Variants in AGAP1 observed in about 807,000 individuals in gnomAD.
The protein encoded by AGAP1 is arf-GAP with GTPase, ANK repeat and PH domain-containing protein 1.
AGAP1 carries 29 observed loss-of-function variants against 105.3 expected under a neutral mutation model. That is an observed-to-expected ratio of 0.28 (90% CI 0.21 to 0.38). The LOEUF (loss-of-function observed/expected upper bound fraction) is 0.38, where lower values mean the gene tolerates loss of function less well. Ranked by LOEUF, AGAP1 falls within the 10% of genes least tolerant of loss-of-function variation. The probability of loss-of-function intolerance (pLI) is 1.00; values close to 1 mark genes in which losing one functional copy is unlikely to be tolerated. For missense variants in AGAP1, 998 were observed against 1,165.1 expected (o/e 0.86, Z 2.09); for synonymous variants, 509 against 485.9 (o/e 1.05, Z -0.63).
At chr2:235,514,855 C>T (rs1377013433) in intron 1 of AGAP1, among the ~76,000 whole-genome samples, 3 of 152,212 alleles carry the variant, frequency 2.0e-5, no homozygotes, top group Admixed American at 6.5e-5. Flanking sequence ...GCTTGTAGGG[C>T]ACAGTCTGTG....
In AGAP1 at chr2:235,736,431, A is replaced by C. The variant is rs3754661; in HGVS notation, c.311-4532A>C. Among the ~76,000 whole-genome samples, 40 of 152,242 alleles carry C rather than the reference A, an allele frequency of 2.6e-4. No homozygotes were observed. In the East Asian group the frequency reaches 7.5e-3, roughly 29 times the overall value. On this transcript the variant is annotated intron_variant, in intron 3 of 17. Transcript: ENST00000304032. The surrounding 1 kb of genome is among the most constrained non-coding windows in gnomAD (Gnocchi z 5.5). ...ACATCACTCATGGCAGATCCATTACATGGGCCATGGGCCAAGCTGTGCACC... is the reference window on the plus strand; with the variant it reads ...ACATCACTCATGGCAGATCCATTACCTGGGCCATGGGCCAAGCTGTGCACC...
rs534710311 is a variant in AGAP1, at chr2:236,054,885, G to A, written c.2114+5604G>A. Among the ~76,000 whole-genome samples the A allele has an allele frequency of 2.8e-5, 4 of 145,188 alleles. No homozygotes were observed. In the East Asian group the frequency reaches 6.9e-4, roughly 25 times the overall value. Reference sequence around the variant, plus strand: ...ACTGCCGGGCCCGGGCCCCCTCCCCGGCTGCCCTCCCCCAGCCCCAGCCTT... The same window carrying A: ...ACTGCCGGGCCCGGGCCCCCTCCCCAGCTGCCCTCCCCCAGCCCCAGCCTT... On this transcript the variant is annotated intron_variant, in intron 16 of 17. Coordinates refer to ENST00000304032, the MANE Select transcript of AGAP1 (RefSeq NM_001037131.3).
At position 235,612,395 on chromosome 2, in the gene AGAP1, A is replaced by G. The variant is rs1377028526; in HGVS notation, c.164-96784A>G. On this transcript the variant is annotated intron_variant, in intron 1 of 17. Coordinates refer to ENST00000304032, the MANE Select transcript of AGAP1 (RefSeq NM_001037131.3). This position sits in a 1 kb window ranked among gnomAD's most constrained non-coding sequence, Gnocchi z 4.3. ...AATCAGAGGGCAAGGACAGCAGTAA[A>G]TAATTTATGTCAGCTGGAGCCCTTG... is the stretch of plus-strand genomic sequence containing the variant. Among the ~76,000 whole-genome samples, 1 of 152,190 alleles carries G rather than the reference A, an allele frequency of 6.6e-6. No homozygotes were observed. The highest frequency in any genetic ancestry group is 1.5e-5 in the Non-Finnish European group (1 of 68,042).
Position 236,124,694 on chromosome 2 carries a change from A to G in AGAP1, c.*572A>G, listed in dbSNP as rs1208664049. 6.4e-6 allele frequency: 1 copy of G among 157,464 alleles called. No individual in the cohort carries two copies. Among genetic ancestry groups the G allele is most frequent in the Non-Finnish European group, 1.4e-5 (1 of 70,678 alleles). 9.8% of individuals were successfully genotyped at this position (157,464 alleles called of 1,614,324 possible). A position where few individuals can be genotyped will look rare whatever the true frequency, so the allele number is the denominator to read the frequency against. ...AATACTGGCTTCATTACACTTGTAC[A>G]GCCGAGTTCTTCCCGCATTACTGCT... On this transcript the variant is annotated 3_prime_UTR_variant, in exon 18 of 18. Coordinates refer to ENST00000304032, the MANE Select transcript of AGAP1 (RefSeq NM_001037131.3). This position sits in a 1 kb window ranked among gnomAD's most constrained non-coding sequence, Gnocchi z 5.1.
chr2:235,611,695 A>C lies in AGAP1; in HGVS notation c.164-97484A>C, dbSNP rs1040175039. Among the ~76,000 whole-genome samples, 2 of 152,250 alleles carry C rather than the reference A, an allele frequency of 1.3e-5. No individual in the cohort carries two copies. Among genetic ancestry groups the C allele is most frequent in the African/African-American group, 4.8e-5 (2 of 41,456 alleles). Reference sequence around the variant, plus strand: ...CAGTTGTGAGGAACATTGTATAGAGAAAAAACAACCTTGAGTTTCTGTTGA... The same window carrying C: ...CAGTTGTGAGGAACATTGTATAGAGCAAAAACAACCTTGAGTTTCTGTTGA... On this transcript the variant is annotated intron_variant, in intron 1 of 17. Coordinates refer to ENST00000304032, the MANE Select transcript of AGAP1 (RefSeq NM_001037131.3). This position sits in a 1 kb window ranked among gnomAD's most constrained non-coding sequence, Gnocchi z 5.0.
chr2:235,537,904 A>C (rs1171798694), intron 1 of AGAP1, among the ~76,000 whole-genome samples: 2 of 152,198 alleles, frequency 1.3e-5, no homozygotes, highest in Non-Finnish European at 2.9e-5. Flanking sequence ...TGTCATCAGA[A>C]TATCTGGCAT....
At chr2:235,521,812 C>T (rs1051705526) in intron 1 of AGAP1, among the ~76,000 whole-genome samples, 1 of 144,696 alleles carries the variant, frequency 6.9e-6, no homozygotes, top group African/African-American at 2.6e-5. Context: ...GTATAGTCTA[C>T]GTCTATCTTT....
chr2:235,781,545 A>C (rs577497570), intron 6 of AGAP1, among the ~76,000 whole-genome samples: 138 of 152,346 alleles, frequency 9.1e-4, no homozygotes, highest in Non-Finnish European at 9.7e-4. Context: ...CCAGAAAGGC[A>C]CAAATGAAGA....
chr2:235,795,045 C>T (rs755416635), intron 6 of AGAP1, among the ~76,000 whole-genome samples: 7 of 152,206 alleles, frequency 4.6e-5, no homozygotes, highest in East Asian at 1.9e-4. Context: ...GAGTAATTAA[C>T]GATTACAGCC....
rs115566707 is a variant in AGAP1, at chr2:235,929,317, A to C, written c.1325-1448A>C. On this transcript the variant is annotated intron_variant, in intron 11 of 17. Coordinates refer to ENST00000304032, the MANE Select transcript of AGAP1 (RefSeq NM_001037131.3). ...GGGGCCTGGGATTCTGCATTTCTCG[A>C]ATGCCTCTTGGCGATGCTGCTTCTG... 7.1e-3 allele frequency among the ~76,000 whole-genome samples: 1,085 copies of C among 152,076 alleles called. 8 individuals carry two copies. The highest frequency in any genetic ancestry group is 0.024 in the African/African-American group (1,000 of 41,480).
rs981383233 is a variant in AGAP1, at chr2:236,050,018, G to A, written c.2114+737G>A. 1.3e-5 allele frequency among the ~76,000 whole-genome samples: 2 copies of A among 152,172 alleles called. No homozygotes were observed. Among genetic ancestry groups the A allele is most frequent in the Non-Finnish European group, 2.9e-5 (2 of 68,040 alleles). ...TCTAAAGCAAGTGGCTTCCAGGGTT[G>A]CTCATTTTCACCCACAATAGGAAGT... On this transcript the variant is annotated intron_variant, in intron 16 of 17. Coordinates refer to ENST00000304032, the MANE Select transcript of AGAP1 (RefSeq NM_001037131.3). This position sits in a 1 kb window ranked among gnomAD's most constrained non-coding sequence, Gnocchi z 4.0.
At chr2:235,836,986 G>T (rs369946222) in intron 9 of AGAP1, among the ~76,000 whole-genome samples, 3 of 152,072 alleles carry the variant, frequency 2.0e-5, no homozygotes, top group Non-Finnish European at 2.9e-5. Flanking sequence ...GGGTTGGGGG[G>T]GTTGTGGGAG....
rs553998484 is a variant in AGAP1, at chr2:235,555,940, A to G, written c.163+61091A>G. 6.6e-6 allele frequency among the ~76,000 whole-genome samples: 1 copy of G among 152,214 alleles called. No homozygotes were observed. Among genetic ancestry groups the G allele is most frequent in the South Asian group, 2.1e-4 (1 of 4,828 alleles). On this transcript the variant is annotated intron_variant, in intron 1 of 17. Transcript: ENST00000304032. The surrounding 1 kb of genome is among the most constrained non-coding windows in gnomAD (Gnocchi z 5.1). ...GCACCTGCTCTGGGCCATGTACACA[A>G]TGAGGCAAAGCAATACTTAGACCTC...
chr2:235,613,063 G>T (rs1246759642), intron 1 of AGAP1, among the ~76,000 whole-genome samples: 1 of 148,424 alleles, frequency 6.7e-6, no homozygotes, highest in Admixed American at 6.8e-5. Flanking sequence ...TCACGCTGTC[G>T]CCCAGGCTGG....
chr2:235,864,654 A>G lies in AGAP1; in HGVS notation c.1051-18691A>G, dbSNP rs2049074683. Among the ~76,000 whole-genome samples, 1 of 152,202 alleles carries G rather than the reference A, an allele frequency of 6.6e-6. No homozygotes were observed. Among genetic ancestry groups the G allele is most frequent in the Admixed American group, 6.5e-5 (1 of 15,282 alleles). ...CTTGTGACAGGGAGAGACAGAGTGA[A>G]AGGAAAGAAAAACGAGGCGATCAAG... On this transcript the variant is annotated intron_variant, in intron 9 of 17. Coordinates refer to ENST00000304032, the MANE Select transcript of AGAP1 (RefSeq NM_001037131.3). The surrounding 1 kb of genome is among the most constrained non-coding windows in gnomAD (Gnocchi z 5.0).
rs1302294234 is a variant in AGAP1, at chr2:235,845,131, C to G, written c.1050+37800C>G. Among the ~76,000 whole-genome samples, 1 of 152,164 alleles carries G rather than the reference C, an allele frequency of 6.6e-6. No homozygotes were observed. The highest frequency in any genetic ancestry group is 1.5e-5 in the Non-Finnish European group (1 of 68,038). ...CATCCTGTTTAGCCGTTCGCTCAAA[C>G]AGAGAACTGTAGATGGGGCTGAAGC... On this transcript the variant is annotated intron_variant, in intron 9 of 17. Coordinates refer to ENST00000304032, the MANE Select transcript of AGAP1 (RefSeq NM_001037131.3). This position sits in a 1 kb window ranked among gnomAD's most constrained non-coding sequence, Gnocchi z 4.8.
Position 235,951,372 on chromosome 2 carries a change from A to T in AGAP1, c.1484-17090A>T, listed in dbSNP as rs922756826. 2.0e-5 allele frequency among the ~76,000 whole-genome samples: 3 copies of T among 152,216 alleles called. No homozygotes were observed. Among genetic ancestry groups the T allele is most frequent in the Admixed American group, 6.5e-5 (1 of 15,286 alleles). Reference sequence around the variant, plus strand: ...GCAGTTACCAGCCCCAGGTACGATTATGGACAATGCTGTCAGTCATCGTGA... The same window carrying T: ...GCAGTTACCAGCCCCAGGTACGATTTTGGACAATGCTGTCAGTCATCGTGA... On this transcript the variant is annotated intron_variant, in intron 12 of 17. Transcript: ENST00000304032. The surrounding 1 kb of genome is among the most constrained non-coding windows in gnomAD (Gnocchi z 4.2).
Position 235,832,919 on chromosome 2 carries a change from A to G in AGAP1, c.1050+25588A>G, listed in dbSNP as rs189345081. 4.3e-4 allele frequency among the ~76,000 whole-genome samples: 65 copies of G among 152,352 alleles called. 2 individuals carry two copies. The East Asian group carries it at 0.011, about 27-fold the overall frequency. ...CTCTCCCCTGCTTCATGAGTGTACA[A>G]CAGGAGACTGGCAGCCCCAAAGCAG... is the stretch of plus-strand genomic sequence containing the variant. On this transcript the variant is annotated intron_variant, in intron 9 of 17. Coordinates refer to ENST00000304032, the MANE Select transcript of AGAP1 (RefSeq NM_001037131.3).
At chr2:236,108,668 A>C (rs1340506704) in intron 16 of AGAP1, among the ~76,000 whole-genome samples, 1 of 152,144 alleles carries the variant, frequency 6.6e-6, no homozygotes. Flanking sequence ...CCTGGAGTGC[A>C]CTTTCGGGAA....
Sources: gnomAD v4.1 joint callset for allele counts (sites outside exome capture counted in the v4.1 genomes callset) on GRCh38, gnomAD v4.1.1 for gene constraint, Gnocchi (gnomAD v3.1) non-coding constraint, MANE v1.5 for transcripts, NCBI Gene and HGNC (gene_info 2026-07-23, HGNC 2026-07-21) for gene names.